Variants in PKD1 observed in about 807,000 individuals in gnomAD.
The protein encoded by PKD1 is polycystin 1, transient receptor potential channel interacting.
In PKD1, 81 loss-of-function variants were observed where a neutral mutation model predicts 361.7. The ratio of observed to expected loss-of-function variants is 0.22; its 90% CI spans 0.19 to 0.27. The LOEUF is 0.27. PKD1 is among the 10% of genes least tolerant of loss of function. The pLI, the probability that PKD1 is intolerant of heterozygous loss-of-function variation, is 1.00. For missense variants in PKD1, 6,399 were observed against 6,118.3 expected, an observed-to-expected ratio of 1.05 and a Z score of -1.53; for synonymous variants, 3,615 against 2,818.3, an observed-to-expected ratio of 1.28 and a Z score of -8.95.
rs780254473 is a variant in PKD1, at chr16:2,108,913, G to C, written c.6254C>G (p.Pro2085Arg). The C allele has an allele frequency of 2.5e-6, 4 of 1,589,422 alleles. No individual in the cohort carries two copies. Among genetic ancestry groups the C allele is most frequent in the African/African-American group, 1.3e-5 (1 of 74,264 alleles). The stretch of plus-strand genomic sequence containing the variant: ...GTGGTAGGCCACACGCCGGGGGCTG[G>C]GGCTGGTGGCGGCCTCAAACTGCGC... The part of the protein sequence containing the change: ...RSAQFEAATS[P>R]SPRRVAYHWD... The change falls in exon 15 of 46, where the codon CCC becomes CGC. Residue 2085 changes from proline (P) to arginine (R), a missense_variant. Transcript: ENST00000262304.
rs752388015 is a variant in PKD1, at chr16:2,109,183, C to T, written c.5984G>A (p.Arg1995His). The T allele has an allele frequency of 2.3e-5, 36 of 1,598,640 alleles. No individual in the cohort carries two copies. The highest frequency in any genetic ancestry group is 1.8e-4 in the East Asian group (8 of 44,548). The change falls in exon 15 of 46, where the codon CGC (arginine) becomes CAC (histidine). Residue 1995 changes from arginine (R) to histidine (H), a missense_variant. By Grantham distance (29) the Arg-to-His change is conservative (BLOSUM62 0). Transcript: ENST00000262304. ...ATGTERNFTA[R>H]VQRGSRVAYA... ...GGCGACCCGAGAGCCGCGCTGCACG[C>T]GGGCTGTGAAGTTCCTCTCAGTGCC...
intron 34 of PKD1, chr16:2,096,945 C>T (rs537905564): frequency 9.3e-5 from 56 of 602,230 alleles, no homozygotes; most frequent in African/African-American, 7.0e-4. Flanking sequence ...CTGCTCCCTC[C>T]CTAGAGGGAA....
At chr16:2,092,319 A>AC in intron 39 of PKD1, 131 bp from the exon 40 acceptor site, 3 of 1,069,960 alleles carry the variant, frequency 2.8e-6, no homozygotes, top group Non-Finnish European at 4.1e-6. Flanking sequence ...GCCATCAATT[A>AC]GACAACGTTA....
At chr16:2,103,045 G>A (rs1359335140) in intron 23 of PKD1, 75 bp from the exon 24 acceptor site, 12 of 1,515,970 alleles carry the variant, frequency 7.9e-6, no homozygotes, top group Middle Eastern at 2.3e-4. Context: ...TGGCCCTCCT[G>A]AGCCCACCCT....
chr16:2,101,863 T>TCCA (rs1269775023), intron 26 of PKD1, 198 bp downstream of exon 26: 1 of 619,112 alleles, frequency 1.6e-6, no homozygotes, highest in Middle Eastern at 4.3e-4. Context: ...GGCACCTACT[T>TCCA]CCAGCTAGGA....
chr16:2,119,051 G>A, intron 3 of PKD1, 63 bp downstream of exon 3: 1 of 987,440 alleles, frequency 1.0e-6, no homozygotes, highest in Non-Finnish European at 1.6e-6. Context: ...CAACTGGGAG[G>A]GCAGAAGGGA....
chr16:2,135,865 T>C lies in PKD1; in HGVS notation c.-176A>G, dbSNP rs1170798469. 1 of 231,710 alleles carries C rather than the reference T, an allele frequency of 4.3e-6. No homozygotes were observed. Among genetic ancestry groups the C allele is most frequent in the East Asian group, 1.8e-4 (1 of 5,426 alleles). 14.4% of individuals were successfully genotyped at this position (231,710 alleles called of 1,614,324 possible). ...CTCGGGGCCAGGCCGCTCCGGGAGCTCGGCCGCCCGCTCGGACGCTGGCGC... is the reference window on the plus strand; with the variant it reads ...CTCGGGGCCAGGCCGCTCCGGGAGCCCGGCCGCCCGCTCGGACGCTGGCGC... On this transcript the variant is annotated 5_prime_UTR_variant, in exon 1 of 46. Coordinates refer to ENST00000262304, the MANE Select transcript of PKD1 (RefSeq NM_001009944.3).
At position 2,110,485 on chromosome 16, in the gene PKD1, G is replaced by A. The variant is rs2092473473; in HGVS notation, c.4682C>T (p.Pro1561Leu). 2 of 1,612,324 alleles carry A rather than the reference G, an allele frequency of 1.2e-6. No individual in the cohort carries two copies. The highest frequency in any genetic ancestry group is 1.7e-6 in the Non-Finnish European group (2 of 1,179,858). The stretch of plus-strand genomic sequence containing the variant: ...GCTGAAGCTCACGCTCCCATTCAGG[G>A]GCACCACCGTGCGGCTTGCATTGAC... The part of the protein sequence containing the change: ...LVVNASRTVV[P>L]LNGSVSFSTS... The change falls in exon 15 of 46, where the codon CCC becomes CTC. Residue 1561 changes from proline to leucine, a missense_variant. Transcript: ENST00000262304.
intron 1 of PKD1, chr16:2,120,199 G>A (rs1245287951): frequency 3.1e-5 from 10 of 320,536 alleles, no homozygotes; most frequent in Non-Finnish European, 5.7e-5. Flanking sequence ...GTGAAACGGC[G>A]AGACTCTACC....
Position 2,092,493 on chromosome 16 carries a change from CACCTGCCGCAGCCGT to C in PKD1, c.11241_11255del (p.Arg3750_Leu3754del). 1.2e-6 allele frequency: 2 copies of C among 1,607,784 alleles called. No homozygotes were observed. Among genetic ancestry groups the C allele is most frequent in the Non-Finnish European group, 1.7e-6 (2 of 1,175,892 alleles). On this transcript the variant is annotated inframe_deletion, in exon 39 of 46. Coordinates refer to ENST00000262304, the MANE Select transcript of PKD1 (RefSeq NM_001009944.3). ...CTGCCAGCTCACCTTCCTGCAGCCG[CACCTGCCGCAGCCGT>C]GGGGGCCCCAGCTCTGGGCTGGACT...
Position 2,127,523 on chromosome 16 carries a change from C to G in PKD1, c.215+7952G>C, listed in dbSNP as rs2092814397. ...TCTGGTCTAAGCACAGGCACAGTGTCTGGCTCTCACCCTCAGGCTGTTACA... is the reference window on the plus strand; with the variant it reads ...TCTGGTCTAAGCACAGGCACAGTGTGTGGCTCTCACCCTCAGGCTGTTACA... On this transcript the variant is annotated intron_variant, in intron 1 of 45. Transcript: ENST00000262304. Among the ~76,000 whole-genome samples the G allele has an allele frequency of 1.3e-5, 2 of 152,190 alleles. 1 individual carries two copies. The highest frequency in any genetic ancestry group is 4.1e-4 in the South Asian group (2 of 4,830).
In PKD1 at chr16:2,110,676, G is replaced by C. The variant is rs1337951369; in HGVS notation, c.4491C>G (p.Ser1497Arg). Residue 1497 changes from serine to arginine, a missense_variant, in exon 15 of 46, where the codon AGC (serine) becomes AGG (arginine). Transcript: ENST00000262304. ...FSAVGRGRPA[S>R]YLWDLGDGGW... Reference sequence around the variant, plus strand: ...CACCGTCCCCCAGATCCCACAGGTAGCTGGCGGGGCGCCCACGGCCCACAG... The same window carrying C: ...CACCGTCCCCCAGATCCCACAGGTACCTGGCGGGGCGCCCACGGCCCACAG... The C allele has an allele frequency of 1.2e-6, 2 of 1,610,324 alleles. No individual in the cohort carries two copies. Among genetic ancestry groups the C allele is most frequent in the Admixed American group, 1.7e-5 (1 of 60,016 alleles).
Position 2,090,546 on chromosome 16 carries a change from G to A in PKD1, c.12183C>T (p.Ala4061=). 1.2e-6 allele frequency: 2 copies of A among 1,610,098 alleles called. No individual in the cohort carries two copies. The highest frequency in any genetic ancestry group is 1.7e-6 in the Non-Finnish European group (2 of 1,179,538). ...CAGTCCCAGGGCACAGCACCAACAG[G>A]GCCTGGGCCACGCTCCAGAGGGAGT... ...CVDSLWSVAQ[A]LLVLCPGTGL... The change falls in exon 45 of 46, where the codon GCC becomes GCT. Residue 4061 remains alanine (A), a synonymous_variant. Transcript: ENST00000262304.
In PKD1 at chr16:2,108,861, C is replaced by T. The variant is rs368223012; in HGVS notation, c.6306G>A (p.Gly2102=). ...CGGCCCTGGGCTCATCTGTGTCCTG[C>T]CCTGGCGACCCATCCCCAAAGTCCC... ...YHWDFGDGSP[G]QDTDEPRAEH... The change falls in exon 15 of 46, where the codon GGG becomes GGA. Residue 2102 remains glycine (G), a synonymous_variant. Coordinates refer to ENST00000262304, the MANE Select transcript of PKD1 (RefSeq NM_001009944.3). The T allele has an allele frequency of 1.0e-5, 16 of 1,575,192 alleles. No homozygotes were observed. The East Asian group carries it at 3.3e-4, about 32-fold the overall frequency.
intron 8 of PKD1, 111 bp from the exon 9 acceptor site, chr16:2,116,229 A>T: frequency 8.8e-7 from 1 of 1,142,076 alleles, no homozygotes; most frequent in Non-Finnish European, 1.3e-6. Flanking sequence ...GCGAGCCATC[A>T]GACCCCCACA....
In PKD1 at chr16:2,107,631, A is replaced by G. The variant is rs1377063335; in HGVS notation, c.7065+252T>C. 2.6e-5 allele frequency: 15 copies of G among 579,570 alleles called. No individual in the cohort carries two copies. The Admixed American group carries it at 4.0e-4, about 16-fold the overall frequency. 35.9% of individuals were successfully genotyped at this position (579,570 alleles called of 1,614,324 possible). A position where few individuals can be genotyped will look rare whatever the true frequency, so the allele number is the denominator to read the frequency against. On this transcript the variant is annotated intron_variant, in intron 16 of 45. Coordinates refer to ENST00000262304, the MANE Select transcript of PKD1 (RefSeq NM_001009944.3). ...CTGGGGTGGGAAGGGGCTCTTCCTC[A>G]CTGTTGGTATTGCTAGGGGACTGTG...
In PKD1 at chr16:2,107,869, C is replaced by T. The variant is rs570471741; in HGVS notation, c.7065+14G>A. 25 of 1,542,158 alleles carry T rather than the reference C, an allele frequency of 1.6e-5. No individual in the cohort carries two copies. Among genetic ancestry groups the T allele is most frequent in the South Asian group, 7.1e-5 (6 of 83,952 alleles). ...CTGTCCAAGGCAAGTGGCCGAGGGG[C>T]GGGCGGCACCCACCGTCTGGTTGGT... On this transcript the variant is annotated intron_variant, in intron 16 of 45. Transcript: ENST00000262304.
rs745874161 is a variant in PKD1, at chr16:2,103,506, T to C, written c.8551A>G (p.Met2851Val). 7 of 1,604,714 alleles carry C rather than the reference T, an allele frequency of 4.4e-6. No individual in the cohort carries two copies. The South Asian group carries it at 7.7e-5, about 18-fold the overall frequency. ...NYTVSTKVASMAFQTQAGAQI... is the reference protein window; with the variant it reads ...NYTVSTKVASVAFQTQAGAQI... The stretch of plus-strand genomic sequence containing the variant: ...GCGCCGGCCTGTGTCTGGAATGCCA[T>C]CGAGGCCACCTTGGTGGAGACGGTG... Residue 2851 changes from methionine to valine, a missense_variant, in exon 23 of 46, where the codon ATG becomes GTG. Physicochemically the swap from Met to Val is conservative, Grantham distance 21. Coordinates refer to ENST00000262304, the MANE Select transcript of PKD1 (RefSeq NM_001009944.3).
Position 2,099,834 on chromosome 16 carries a change from G to A in PKD1, c.9923+27C>T, listed in dbSNP as rs758385988. On this transcript the variant is annotated intron_variant, in intron 29 of 45. Transcript: ENST00000262304. ...GGGCAGGAAGGGCTGGGCAGGAAGA[G>A]GCTGCCCCGACCCCTACGGCACCCA... The A allele has an allele frequency of 2.6e-6, 4 of 1,558,720 alleles. No homozygotes were observed. In the African/African-American group the frequency reaches 5.4e-5, roughly 21 times the overall value.
Sources: gnomAD v4.1 joint callset for allele counts (sites outside exome capture counted in the v4.1 genomes callset) on GRCh38, gnomAD v4.1.1 for gene constraint, MANE v1.5 for transcripts, NCBI Gene and HGNC (gene_info 2026-07-23, HGNC 2026-07-21) for gene names.